LRRTM3: variants seen among roughly 807,000 people sequenced by gnomAD.
The protein encoded by LRRTM3 is leucine rich repeat transmembrane neuronal 3.
A neutral mutation model predicts 44.7 loss-of-function variants in LRRTM3; 24 were observed. The observed-to-expected ratio is 0.54, with a 90% CI of 0.39 to 0.76. The LOEUF is 0.76. Ranked by LOEUF, LRRTM3 falls within the 30% of genes least tolerant of loss-of-function variation. LRRTM3 has a pLI of 0.00. For missense variants in LRRTM3, 587 were observed against 702.2 expected (o/e 0.84, Z 1.85); for synonymous variants, 277 against 278.7 (o/e 0.99, Z 0.06).
chr10:66,932,658 TTAAA>T (rs2132646370), intron 2 of LRRTM3, among the ~76,000 whole-genome samples: 1 of 150,660 alleles, frequency 6.6e-6, no homozygotes, highest in South Asian at 2.1e-4. Context: ...TGGATGGATG[TTAAA>T]TAGTTTGTAT....
intron 2 of LRRTM3, among the ~76,000 whole-genome samples, chr10:67,089,737 G>GTA (rs1485707377): frequency 6.6e-6 from 1 of 151,564 alleles, no homozygotes; most frequent in Admixed American, 6.6e-5. Flanking sequence ...GTGTGTGTGT[G>GTA]TGTGTGTGTG....
rs56664927 is a variant in LRRTM3 at position 66,972,700 on chromosome 10, ATTTTT to A, written c.1536+44270_1536+44274del. On this transcript the variant is annotated intron_variant, in intron 2 of 2. Transcript: ENST00000361320. ...ACAATTTAAAGGTTCTGTCAAATAG[ATTTTT>A]TTTTTTTTTTTTTTTTTTTTTATGA... Among the ~76,000 whole-genome samples, 351 of 108,656 alleles carry A rather than the reference ATTTTT, an allele frequency of 3.2e-3. 4 individuals carry two copies. Among genetic ancestry groups the A allele is most frequent in the African/African-American group, 9.9e-3 (293 of 29,598 alleles). The allele number at this position is 108,656 out of a possible 152,430, so 71.3% of individuals were successfully genotyped here.
At chr10:67,061,231 T>C (rs1280730323) in intron 2 of LRRTM3, among the ~76,000 whole-genome samples, 1 of 152,168 alleles carries the variant, frequency 6.6e-6, no homozygotes, top group Non-Finnish European at 1.5e-5. Flanking sequence ...CTGAACTGAA[T>C]GAAAGCATTT....
intron 2 of LRRTM3, among the ~76,000 whole-genome samples, chr10:66,973,436 C>G (rs943026008): frequency 6.6e-6 from 1 of 152,110 alleles, no homozygotes; most frequent in African/African-American, 2.4e-5. Context: ...AATAAAGTAT[C>G]TGTAAGCTTA....
chr10:67,076,547 C>T (rs1925605), intron 2 of LRRTM3, among the ~76,000 whole-genome samples: 3 of 151,952 alleles, frequency 2.0e-5, no homozygotes, highest in Non-Finnish European at 2.9e-5. Flanking sequence ...TTCATTTGAG[C>T]ACATAGAGAA....
intron 2 of LRRTM3, among the ~76,000 whole-genome samples, chr10:66,948,100 C>A (rs557788394): frequency 6.6e-6 from 1 of 152,296 alleles, no homozygotes; most frequent in Admixed American, 6.5e-5. Flanking sequence ...AATATCATAA[C>A]TTGTGGGATC....
chr10:67,026,388 TA>T (rs1169958397), intron 2 of LRRTM3, among the ~76,000 whole-genome samples: 1 of 152,058 alleles, frequency 6.6e-6, no homozygotes, highest in Non-Finnish European at 1.5e-5. Flanking sequence ...TAAATATTTT[TA>T]TATTTGTAAA....
At chr10:67,078,131 A>T (rs1463437329) in intron 2 of LRRTM3, among the ~76,000 whole-genome samples, 2 of 152,164 alleles carry the variant, frequency 1.3e-5, no homozygotes, top group Non-Finnish European at 2.9e-5. Flanking sequence ...AGGAGTAATA[A>T]CCTCTAACAA....
intron 2 of LRRTM3, among the ~76,000 whole-genome samples, chr10:67,021,864 G>C (rs1234774290): frequency 6.6e-6 from 1 of 152,132 alleles, no homozygotes; most frequent in Non-Finnish European, 1.5e-5. Context: ...CAGGAGTGAA[G>C]TACTAGGAGT....
chr10:67,003,315 A>C, intron 2 of LRRTM3, among the ~76,000 whole-genome samples: 1 of 152,142 alleles, frequency 6.6e-6, no homozygotes, highest in East Asian at 1.9e-4. Flanking sequence ...CTTTAACCCT[A>C]ATACTGAGTA....
intron 2 of LRRTM3, among the ~76,000 whole-genome samples, chr10:66,961,259 TTC>T (rs749782190): frequency 2.6e-4 from 40 of 152,150 alleles, no homozygotes; most frequent in Non-Finnish European, 8.8e-5. Context: ...GTTCATCTCA[TTC>T]TCTCTCTTAC....
chr10:67,012,983 G>T (rs1353650701), intron 2 of LRRTM3: 1 of 151,932 alleles, frequency 6.6e-6, no homozygotes. Flanking sequence ...ATATTTTCCA[G>T]GTAAGGCATC....
At chr10:66,943,001 C>G (rs1169021272) in intron 2 of LRRTM3, among the ~76,000 whole-genome samples, 1 of 152,092 alleles carries the variant, frequency 6.6e-6, no homozygotes, top group African/African-American at 2.4e-5. Context: ...CCAGGGCAAA[C>G]AAAATAGCTT....
chr10:67,056,462 C>A (rs1855437651), intron 2 of LRRTM3, among the ~76,000 whole-genome samples: 1 of 152,110 alleles, frequency 6.6e-6, no homozygotes, highest in Non-Finnish European at 1.5e-5. Flanking sequence ...TCATGAGGGT[C>A]TCTCAAATTG....
At chr10:67,033,003 A>G (rs924786125) in intron 2 of LRRTM3, among the ~76,000 whole-genome samples, 1 of 152,142 alleles carries the variant, frequency 6.6e-6, no homozygotes, top group Non-Finnish European at 1.5e-5. Context: ...CTTCATTTTT[A>G]CTTGAATTAT....
At chr10:67,013,251 T>C (rs1050997621) in intron 2 of LRRTM3, among the ~76,000 whole-genome samples, 1 of 151,540 alleles carries the variant, frequency 6.6e-6, no homozygotes, top group African/African-American at 2.4e-5. Context: ...TTAAGTTGCC[T>C]CTCTTCATTT....
chr10:67,078,439 G>A (rs769610925), intron 2 of LRRTM3, among the ~76,000 whole-genome samples: 16 of 152,016 alleles, frequency 1.1e-4, no homozygotes, highest in Non-Finnish European at 1.8e-4. Flanking sequence ...CCAACAAAAT[G>A]TTACTCCCCT....
chr10:67,019,959 C>T (rs1441574613), intron 2 of LRRTM3, among the ~76,000 whole-genome samples: 2 of 152,084 alleles, frequency 1.3e-5, no homozygotes, highest in Non-Finnish European at 2.9e-5. Flanking sequence ...GTTTAATTTG[C>T]TTTAAATACC....
In LRRTM3 at chr10:67,099,928, G is replaced by A. The variant is rs1475780050; in HGVS notation, c.*2132G>A. The stretch of plus-strand genomic sequence containing the variant: ...ATAAAGGGTTATAAAGCTATGATTC[G>A]TGAGTCTAAAATCAAATGCAAAATT... On this transcript the variant is annotated 3_prime_UTR_variant, in exon 3 of 3. Transcript: ENST00000361320. 6 of 151,714 alleles carry A rather than the reference G, an allele frequency of 4.0e-5. No individual in the cohort carries two copies. In the South Asian group the frequency reaches 6.2e-4, roughly 16 times the overall value. The allele number at this position is 151,714 out of a possible 1,614,324, so 9.4% of individuals were successfully genotyped here.
Sources: gnomAD v4.1 joint callset for allele counts (sites outside exome capture counted in the v4.1 genomes callset) on GRCh38, gnomAD v4.1.1 for gene constraint, MANE v1.5 for transcripts, NCBI Gene and HGNC (gene_info 2026-07-23, HGNC 2026-07-21) for gene names.